ZFAT: variants seen among roughly 807,000 people sequenced by gnomAD.
The protein encoded by ZFAT is zinc finger and AT-hook domain containing.
Under a neutral mutation model 117.7 loss-of-function variants are expected in ZFAT, and 64 were observed. That is an observed-to-expected ratio of 0.54 (90% CI 0.44 to 0.67). The LOEUF (loss-of-function observed/expected upper bound fraction) is 0.67. ZFAT is among the 30% of genes least tolerant of loss of function. The pLI is 0.00. For missense variants in ZFAT, 1,433 were observed against 1,584.5 expected (o/e 0.90, Z 1.62); for synonymous variants, 679 against 615.0 (o/e 1.10, Z -1.54).
the ZFAT span, among the ~76,000 whole-genome samples, chr8:134,754,510 C>T: frequency 6.6e-6 from 1 of 152,238 alleles, no homozygotes; most frequent in Non-Finnish European, 1.5e-5. Flanking sequence ...TGTCCAACTC[C>T]AGGACTGCCC....
the ZFAT span, among the ~76,000 whole-genome samples, chr8:134,730,921 T>C: frequency 6.6e-6 from 1 of 152,242 alleles, no homozygotes; most frequent in African/African-American, 2.4e-5. Flanking sequence ...AGGGCTACTA[T>C]ATGAAGAAAA....
chr8:134,753,236 C>A, the ZFAT span, among the ~76,000 whole-genome samples: 1 of 148,488 alleles, frequency 6.7e-6, no homozygotes, highest in Non-Finnish European at 1.5e-5. Context: ...AACCAACCAA[C>A]AACAACAACA....
intron 11 of ZFAT, among the ~76,000 whole-genome samples, chr8:134,535,482 T>TCCCCCA (rs1821762850): frequency 2.9e-5 from 1 of 33,986 alleles, no homozygotes; most frequent in African/African-American, 1.2e-4. Flanking sequence ...CCTCTCCCCC[T>TCCCCCA]CCCCCTCCCC....
chr8:134,702,704 C>T (rs576674582), intron 1 of ZFAT, among the ~76,000 whole-genome samples: 5 of 150,892 alleles, frequency 3.3e-5, no homozygotes, highest in Non-Finnish European at 7.4e-5. Context: ...CAGAGTCTCA[C>T]GCTGTCGCCC....
rs191683059 is a variant in ZFAT, at chr8:134,561,163, C to A, written c.2976+4170G>T. On this transcript the variant is annotated intron_variant, in intron 11 of 15. Transcript: ENST00000377838. ...TATAACAACAGAAACTGGGAATGAC[C>A]AAACTATCCAATTGTGAAAGGAATG... Among the ~76,000 whole-genome samples the A allele has an allele frequency of 1.4e-3, 216 of 152,294 alleles. 1 individual carries two copies. The highest frequency in any genetic ancestry group is 2.3e-3 in the Non-Finnish European group (159 of 68,018).
At chr8:134,592,887 C>T (rs1826625289) in intron 7 of ZFAT, among the ~76,000 whole-genome samples, 1 of 152,242 alleles carries the variant, frequency 6.6e-6, no homozygotes, top group African/African-American at 2.4e-5. Flanking sequence ...GGTTTCGATG[C>T]ATTTCCCACC....
the ZFAT span, among the ~76,000 whole-genome samples, chr8:134,791,348 C>T: frequency 7.0e-6 from 1 of 143,354 alleles, no homozygotes; most frequent in South Asian, 2.3e-4. Context: ...AGGTCTCAGT[C>T]CCAGCTTCCC....
the ZFAT span, among the ~76,000 whole-genome samples, chr8:134,733,907 G>A: frequency 3.7e-4 from 56 of 152,312 alleles, no homozygotes; most frequent in Non-Finnish European, 6.0e-4. Context: ...TCTCATTCAG[G>A]GTGAAGGCCA....
chr8:134,565,522 C>A (rs1285840201), intron 10 of ZFAT, 101 bp from the exon 11 acceptor site: 1 of 1,093,924 alleles, frequency 9.1e-7, no homozygotes, highest in Non-Finnish European at 1.4e-6. Flanking sequence ...GTGTTCCTTG[C>A]CATGTGAGGA....
intron 1 of ZFAT, among the ~76,000 whole-genome samples, chr8:134,693,207 TAGAA>T (rs1410541917): frequency 6.6e-6 from 1 of 152,154 alleles, no homozygotes; most frequent in African/African-American, 2.4e-5. Flanking sequence ...GGTCTCCTTG[TAGAA>T]ATAGTTGATT....
Position 134,602,488 on chromosome 8 carries a change from G to A in ZFAT, c.1231C>T (p.Arg411Cys), listed in dbSNP as rs1827571632. ...QLLYDCHICE[R>C]KFKNELDRDR... ...CGGTCCAGCTCGTTCTTGAACTTGC[G>A]CTCACAGATGTGGCAGTCATAGAGC... Residue 411 changes from arginine to cysteine, a missense_variant, in exon 6 of 16, where the codon CGC (arginine) becomes TGC (cysteine). Around this residue, in one of 5 missense-constraint regions of ZFAT, gnomAD observed 73 missense variants for 122.0 expected, o/e 0.60. Coordinates refer to ENST00000377838, the MANE Select transcript of ZFAT (RefSeq NM_020863.4). 3.7e-6 allele frequency: 6 copies of A among 1,613,778 alleles called. No individual in the cohort carries two copies. The highest frequency in any genetic ancestry group is 2.2e-5 in the East Asian group (1 of 44,894).
In ZFAT at chr8:134,597,078, C is replaced by CA. The variant is rs199719226; in HGVS notation, c.2475+3357dup. ...TATCTTGATAAAGTAAAGCTGTTACCAAAAAAAATCCACGTTAACTGTCCT... is the reference window on the plus strand; with the variant it reads ...TATCTTGATAAAGTAAAGCTGTTACCAAAAAAAAATCCACGTTAACTGTCCT... On this transcript the variant is annotated intron_variant, in intron 7 of 15. Transcript: ENST00000377838. Among the ~76,000 whole-genome samples the CA allele has an allele frequency of 7.8e-3, 1,176 of 151,320 alleles. 17 individuals are homozygous for CA. The highest frequency in any genetic ancestry group is 0.027 in the African/African-American group (1,117 of 41,282).
chr8:134,697,484 T>C (rs1374800979), intron 1 of ZFAT, among the ~76,000 whole-genome samples: 1 of 147,454 alleles, frequency 6.8e-6, no homozygotes, highest in Non-Finnish European at 1.5e-5. Flanking sequence ...TCCCAGCACT[T>C]TGGGAGGCCG....
chr8:134,556,330 A>G lies in ZFAT; in HGVS notation c.2976+9003T>C, dbSNP rs74673565. On this transcript the variant is annotated intron_variant, in intron 11 of 15. Coordinates refer to ENST00000377838, the MANE Select transcript of ZFAT (RefSeq NM_020863.4). ...ATGTGAGGTGCTATTAGTGCCTCAC[A>G]TATATGTATTAATACATATGTGTTA... Among the ~76,000 whole-genome samples the G allele has an allele frequency of 7.7e-3, 1,168 of 152,270 alleles. 25 individuals are homozygous for G. The highest frequency in any genetic ancestry group is 0.027 in the African/African-American group (1,114 of 41,538).
intron 3 of ZFAT, among the ~76,000 whole-genome samples, chr8:134,627,254 C>T (rs748654516): frequency 6.6e-6 from 1 of 152,124 alleles, no homozygotes; most frequent in African/African-American, 2.4e-5. Context: ...AAGACTGTTG[C>T]AAAACTGTCT....
At position 134,600,439 on chromosome 8, in the gene ZFAT, T is replaced by A; in HGVS notation, c.2472A>T (p.Ala824=). The A allele has an allele frequency of 6.2e-7, 1 of 1,614,112 alleles. No individual in the cohort carries two copies. Among genetic ancestry groups the A allele is most frequent in the Non-Finnish European group, 8.5e-7 (1 of 1,179,920 alleles). The change falls in exon 7 of 16, where the codon GCA becomes GCT. Residue 824 remains alanine (A), a synonymous_variant. Transcript: ENST00000377838. The part of the protein sequence containing the change: ...KLQAHLKVHT[A]LDKRSYSCPV... The stretch of plus-strand genomic sequence containing the variant: ...GCCGCTTGGGCTTGCTACTTACCAG[T>A]GCTGTGTGAACTTTAAGATGTGCCT...
At chr8:134,590,383 G>T in intron 7 of ZFAT, 28 bp from the exon 8 acceptor site, 3 of 1,557,134 alleles carry the variant, frequency 1.9e-6, no homozygotes, top group African/African-American at 1.4e-5. Context: ...ATAATCAGTT[G>T]ACTTTCTCAT....
chr8:134,781,152 G>A, the ZFAT span, among the ~76,000 whole-genome samples: 2 of 152,126 alleles, frequency 1.3e-5, no homozygotes, highest in South Asian at 2.1e-4. Context: ...TTGAGACAGG[G>A]TCTTGCTCTG....
chr8:134,657,510 C>T, intron 2 of ZFAT, 51 bp downstream of exon 2: 1 of 1,519,066 alleles, frequency 6.6e-7, no homozygotes. Flanking sequence ...AGCAAATCAA[C>T]ATCAACAGGT....
Sources: gnomAD v4.1 joint callset for allele counts (sites outside exome capture counted in the v4.1 genomes callset) on GRCh38, gnomAD v4.1.1 for gene constraint, gnomAD v4.1.1 regional missense constraint, MANE v1.5 for transcripts, NCBI Gene and HGNC (gene_info 2026-07-23, HGNC 2026-07-21) for gene names.